TLL1: variants seen among roughly 807,000 people sequenced by gnomAD.
The protein encoded by TLL1 is tolloid like 1.
In TLL1, 49 loss-of-function variants were observed where a neutral mutation model predicts 128.2. The observed-to-expected ratio is 0.38, with a 90% CI of 0.30 to 0.48. The LOEUF (loss-of-function observed/expected upper bound fraction) is 0.48. Ranked by LOEUF, TLL1 falls within the 20% of genes least tolerant of loss-of-function variation. The probability of loss-of-function intolerance (pLI) is 0.96; values close to 1 mark genes in which losing one functional copy is unlikely to be tolerated. For synonymous variants in TLL1, 454 were observed against 418.8 expected (o/e 1.08, Z -1.03); for missense variants, 1,123 against 1,242.0 (o/e 0.90, Z 1.44).
chr4:165,932,167 G>A (rs758466420), intron 1 of TLL1, among the ~76,000 whole-genome samples: 30 of 152,170 alleles, frequency 2.0e-4, no homozygotes, highest in Non-Finnish European at 3.2e-4. Context: ...AAATCAGAAG[G>A]TCTCCTAGTT....
intron 1 of TLL1, among the ~76,000 whole-genome samples, chr4:165,912,798 G>A (rs1732598195): frequency 1.3e-5 from 2 of 151,806 alleles, no homozygotes; most frequent in Admixed American, 1.3e-4. Context: ...CTTAAAAAAA[G>A]TATCTGTTTA....
At chr4:165,979,130 G>C (rs1579575159) in intron 1 of TLL1, among the ~76,000 whole-genome samples, 1 of 152,034 alleles carries the variant, frequency 6.6e-6, no homozygotes, top group East Asian at 1.9e-4. Flanking sequence ...TCAAATTCTA[G>C]GCAATTTCTA....
At chr4:165,991,917 T>C (rs976121947) in intron 2 of TLL1, among the ~76,000 whole-genome samples, 1 of 151,948 alleles carries the variant, frequency 6.6e-6, no homozygotes, top group Non-Finnish European at 1.5e-5. Context: ...CTTTTTCCTA[T>C]TTGTCTAATA....
At chr4:165,916,961 T>A (rs1388023340) in intron 1 of TLL1, among the ~76,000 whole-genome samples, 1 of 152,172 alleles carries the variant, frequency 6.6e-6, no homozygotes, top group Non-Finnish European at 1.5e-5. Context: ...TCATGCCCAT[T>A]TGTTAATTTT....
intron 1 of TLL1, among the ~76,000 whole-genome samples, chr4:165,881,152 T>C (rs1730951328): frequency 6.6e-6 from 1 of 152,200 alleles, no homozygotes; most frequent in African/African-American, 2.4e-5. Flanking sequence ...AGTTAAGATC[T>C]TTCAAATATC....
At chr4:165,874,210 C>A in intron 1 of TLL1, 137 bp downstream of exon 1, 1 of 1,088,674 alleles carries the variant, frequency 9.2e-7, no homozygotes, top group Non-Finnish European at 1.4e-6. Context: ...TCTCCCCCTC[C>A]TTTTCCTTCC....
At position 166,101,988 on chromosome 4, in the gene TLL1, T is replaced by C. The variant is rs1742311212; in HGVS notation, c.*1112T>C. ...TTCTTATGGTGCTATTCCATAAACTTTTTTTCAAACAAGTTTTTGACCTTT... is the reference window on the plus strand; with the variant it reads ...TTCTTATGGTGCTATTCCATAAACTCTTTTTCAAACAAGTTTTTGACCTTT... On this transcript the variant is annotated 3_prime_UTR_variant, in exon 21 of 21. Transcript: ENST00000061240. The C allele has an allele frequency of 6.6e-6, 1 of 152,454 alleles. No individual in the cohort carries two copies. Among genetic ancestry groups the C allele is most frequent in the Non-Finnish European group, 1.5e-5 (1 of 67,958 alleles). The allele number at this position is 152,454 out of a possible 1,614,324, so 9.4% of individuals were successfully genotyped here.
At chr4:165,982,288 A>G (rs1736184115) in intron 1 of TLL1, among the ~76,000 whole-genome samples, 1 of 150,370 alleles carries the variant, frequency 6.7e-6, no homozygotes, top group African/African-American at 2.5e-5. Flanking sequence ...TAAAGCTGTA[A>G]AACATTACAA....
chr4:166,095,184 T>C (rs182774898), intron 19 of TLL1, among the ~76,000 whole-genome samples: 4 of 152,194 alleles, frequency 2.6e-5, no homozygotes, highest in African/African-American at 7.2e-5. Context: ...AAGAAAAATT[T>C]CAAACACTAT....
chr4:166,067,654 GTATT>G (rs1222679464), intron 16 of TLL1, among the ~76,000 whole-genome samples: 3 of 151,694 alleles, frequency 2.0e-5, no homozygotes, highest in African/African-American at 7.3e-5. Context: ...CATGTTTTAA[GTATT>G]TATCAGTGCA....
chr4:166,010,979 GCT>G (rs1166526000), intron 7 of TLL1, among the ~76,000 whole-genome samples: 2 of 150,606 alleles, frequency 1.3e-5, no homozygotes, highest in Admixed American at 1.3e-4. Context: ...TTATTTCTGT[GCT>G]CTCTCTTTTA....
intron 1 of TLL1, among the ~76,000 whole-genome samples, chr4:165,924,582 T>C (rs571804823): frequency 6.6e-6 from 1 of 152,308 alleles, no homozygotes; most frequent in East Asian, 1.9e-4. Flanking sequence ...CTCCATAACC[T>C]AAAAGTGCAA....
intron 1 of TLL1, among the ~76,000 whole-genome samples, chr4:165,881,060 A>G (rs946295289): frequency 3.3e-5 from 5 of 152,242 alleles, no homozygotes; most frequent in Non-Finnish European, 7.3e-5. Context: ...TCAGAGCACA[A>G]ATACCTAATA....
chr4:166,082,082 A>G (rs1312694686), intron 18 of TLL1, among the ~76,000 whole-genome samples: 1 of 152,314 alleles, frequency 6.6e-6, no homozygotes, highest in Middle Eastern at 3.4e-3. Context: ...TTCACACAGT[A>G]TTAAACTTTA....
rs144655913 is a variant in TLL1, at chr4:166,057,194, G to A, written c.1731G>A (p.Glu577=). ...FAANFFKEED[E]CAKPDRGGCE... ...TGACCATTTTCATAGAGGAAGATGAGTGTGCCAAACCTGACCGTGGAGGCT... is the reference window on the plus strand; with the variant it reads ...TGACCATTTTCATAGAGGAAGATGAATGTGCCAAACCTGACCGTGGAGGCT... The change falls in exon 14 of 21, where the codon GAG becomes GAA. Residue 577 remains glutamate (E), a synonymous_variant. Coordinates refer to ENST00000061240, the MANE Select transcript of TLL1 (RefSeq NM_012464.5). 1.2e-6 allele frequency: 2 copies of A among 1,613,848 alleles called. No individual in the cohort carries two copies. Among genetic ancestry groups the A allele is most frequent in the African/African-American group, 1.3e-5 (1 of 74,994 alleles).
intron 16 of TLL1, among the ~76,000 whole-genome samples, chr4:166,072,529 A>G (rs1174780292): frequency 1.3e-5 from 2 of 151,924 alleles, no homozygotes; most frequent in African/African-American, 2.4e-5. Context: ...TTGAAATACA[A>G]TTGGTTTCAT....
At chr4:166,024,056 T>A (rs993908266) in intron 8 of TLL1, among the ~76,000 whole-genome samples, 30 of 152,166 alleles carry the variant, frequency 2.0e-4, no homozygotes, top group African/African-American at 7.2e-4. Context: ...CTTACATTTG[T>A]CAAGTGCCCT....
intron 17 of TLL1, among the ~76,000 whole-genome samples, chr4:166,077,198 G>A (rs1469436170): frequency 2.0e-5 from 3 of 149,750 alleles, no homozygotes; most frequent in African/African-American, 7.4e-5. Context: ...CATGTGGAAT[G>A]ATCTTGTCTA....
At chr4:166,052,276 G>A (rs1739778888) in intron 12 of TLL1, among the ~76,000 whole-genome samples, 2 of 152,050 alleles carry the variant, frequency 1.3e-5, no homozygotes, top group Admixed American at 1.3e-4. Flanking sequence ...CTAATATGAA[G>A]CAATGTAATA....
Sources: allele counts gnomAD v4.1 joint callset (sites outside exome capture counted in the v4.1 genomes callset), GRCh38; gene constraint gnomAD v4.1.1; transcripts MANE v1.5; gene names NCBI Gene and HGNC (gene_info 2026-07-23, HGNC 2026-07-21).